TOX: variants seen among roughly 807,000 people sequenced by gnomAD.
TOX encodes the protein thymocyte selection associated high mobility group box.
A neutral mutation model predicts 53.7 loss-of-function variants in TOX; 11 were observed. The ratio of observed to expected loss-of-function variants is 0.20; its 90% CI spans 0.13 to 0.34. The LOEUF (loss-of-function observed/expected upper bound fraction) is 0.34, where lower values mean the gene tolerates loss of function less well. Among genes scored for constraint, TOX ranks in the 10% least tolerant of loss-of-function variants. TOX has a pLI of 1.00. For synonymous variants in TOX, 225 were observed against 245.3 expected, an observed-to-expected ratio of 0.92 and a Z score of 0.77; for missense variants, 570 against 664.6, an observed-to-expected ratio of 0.86 and a Z score of 1.56.
intron 1 of TOX, among the ~76,000 whole-genome samples, chr8:59,017,608 T>A (rs1241356694): frequency 6.6e-6 from 1 of 152,158 alleles, no homozygotes; most frequent in Admixed American, 6.5e-5. Context: ...AAGAAACATG[T>A]TTTTAAAACT....
At chr8:59,074,267 A>G (rs1440754106) in intron 1 of TOX, among the ~76,000 whole-genome samples, 2 of 152,228 alleles carry the variant, frequency 1.3e-5, no homozygotes, top group African/African-American at 4.8e-5. Flanking sequence ...ATTGATAGCT[A>G]TCTAGTAAAT....
In TOX at chr8:58,909,071, T is replaced by C. The variant is rs1585894419; in HGVS notation, c.411+30231A>G. 4.6e-5 allele frequency among the ~76,000 whole-genome samples: 7 copies of C among 152,340 alleles called. No homozygotes were observed. In the South Asian group the frequency reaches 1.4e-3, roughly 32 times the overall value. On this transcript the variant is annotated intron_variant, in intron 3 of 8. Transcript: ENST00000361421. ...ACAGAAACACTGTAGCTTCATGGTT[T>C]TCAACTCTAGTCACACATTAGAATT...
At chr8:58,956,777 G>A (rs1431577034) in intron 2 of TOX, among the ~76,000 whole-genome samples, 1 of 152,030 alleles carries the variant, frequency 6.6e-6, no homozygotes, top group Non-Finnish European at 1.5e-5. Context: ...CACCATGCCT[G>A]GCTAATTTTT....
chr8:59,046,184 T>C (rs75393952), intron 1 of TOX, among the ~76,000 whole-genome samples: 1 of 152,180 alleles, frequency 6.6e-6, no homozygotes, highest in African/African-American at 2.4e-5. Flanking sequence ...CCACCAAAAC[T>C]ATAATAACAT....
chr8:58,922,766 A>G lies in TOX; in HGVS notation c.411+16536T>C, dbSNP rs557679493. ...GAAGTAACAATGCTCCAAGTGGCTG[A>G]TATTTATTCACTTCTTCCTCATTAC... On this transcript the variant is annotated intron_variant, in intron 3 of 8. Transcript: ENST00000361421. Among the ~76,000 whole-genome samples the G allele has an allele frequency of 3.0e-4, 45 of 152,284 alleles. No homozygotes were observed. In the East Asian group the frequency reaches 7.5e-3, roughly 25 times the overall value.
chr8:58,814,353 G>T (rs540198156), intron 7 of TOX: 2 of 151,978 alleles, frequency 1.3e-5, no homozygotes, highest in Non-Finnish European at 2.9e-5. Context: ...AGTGATACCT[G>T]CATTTAATGT....
At chr8:58,848,545 A>G (rs181857444) in intron 4 of TOX, among the ~76,000 whole-genome samples, 2 of 152,254 alleles carry the variant, frequency 1.3e-5, no homozygotes, top group East Asian at 3.9e-4. Context: ...ATTCTTACCC[A>G]CAATTTCCTT....
chr8:58,953,395 T>C (rs758848707), intron 2 of TOX, among the ~76,000 whole-genome samples: 25 of 152,178 alleles, frequency 1.6e-4, no homozygotes, highest in Admixed American at 2.0e-4. Flanking sequence ...GAAAACAACA[T>C]AAACAATAGT....
At chr8:58,961,149 G>T (rs563890229) in intron 1 of TOX, among the ~76,000 whole-genome samples, 2 of 152,236 alleles carry the variant, frequency 1.3e-5, no homozygotes, top group East Asian at 3.9e-4. Flanking sequence ...CACCACCTAT[G>T]AACTGCTAGC....
At chr8:58,887,299 T>A (rs1811485117) in intron 3 of TOX, among the ~76,000 whole-genome samples, 1 of 151,940 alleles carries the variant, frequency 6.6e-6, no homozygotes, top group Non-Finnish European at 1.5e-5. Flanking sequence ...ATTTTTAGTA[T>A]CAATATTATA....
intron 3 of TOX, among the ~76,000 whole-genome samples, chr8:58,894,788 C>T (rs974954487): frequency 6.6e-5 from 10 of 152,050 alleles, no homozygotes; most frequent in Non-Finnish European, 1.3e-4. Flanking sequence ...CCCAAATACT[C>T]GGGAGGCTGA....
At chr8:59,111,832 C>CA (rs1225647421) in intron 1 of TOX, among the ~76,000 whole-genome samples, 1 of 152,162 alleles carries the variant, frequency 6.6e-6, no homozygotes, top group African/African-American at 2.4e-5. Context: ...CCTTTCCAGA[C>CA]AGTTTCATAA....
chr8:58,948,014 C>T (rs1257977187), intron 2 of TOX, among the ~76,000 whole-genome samples: 1 of 152,228 alleles, frequency 6.6e-6, no homozygotes, highest in African/African-American at 2.4e-5. Flanking sequence ...ATGCAGGCCT[C>T]TTCTGGAACT....
At chr8:58,985,351 T>C (rs960755057) in intron 1 of TOX, among the ~76,000 whole-genome samples, 1 of 152,066 alleles carries the variant, frequency 6.6e-6, no homozygotes, top group African/African-American at 2.4e-5. Context: ...TGGATGAACC[T>C]TGAGAACACT....
At chr8:59,037,980 G>A (rs1803501384) in intron 1 of TOX, among the ~76,000 whole-genome samples, 1 of 151,964 alleles carries the variant, frequency 6.6e-6, no homozygotes, top group Admixed American at 6.6e-5. Context: ...TAAAATCAGA[G>A]GGCTCCAAGA....
intron 3 of TOX, among the ~76,000 whole-genome samples, chr8:58,909,151 G>T (rs1184118956): frequency 6.6e-6 from 1 of 152,142 alleles, no homozygotes; most frequent in East Asian, 1.9e-4. Context: ...GAAACAGTTA[G>T]ACCCAATATC....
At chr8:58,930,348 T>A (rs931327100) in intron 3 of TOX, among the ~76,000 whole-genome samples, 3 of 152,214 alleles carry the variant, frequency 2.0e-5, no homozygotes, top group African/African-American at 7.2e-5. Flanking sequence ...TATAGAGCAT[T>A]GCTATCAGCA....
intron 1 of TOX, among the ~76,000 whole-genome samples, chr8:59,098,670 G>A (rs1464812356): frequency 1.3e-5 from 2 of 152,262 alleles, no homozygotes; most frequent in South Asian, 2.1e-4. Context: ...ACAGGAAACT[G>A]TTTTAATCAA....
chr8:59,088,619 C>T (rs1387143743), intron 1 of TOX, among the ~76,000 whole-genome samples: 2 of 152,144 alleles, frequency 1.3e-5, no homozygotes, highest in Admixed American at 6.5e-5. Context: ...ATTAGTCAGC[C>T]GTTCCCCTTA....
Sources: gnomAD v4.1 joint callset for allele counts (sites outside exome capture counted in the v4.1 genomes callset) on GRCh38, gnomAD v4.1.1 for gene constraint, MANE v1.5 for transcripts, NCBI Gene and HGNC (gene_info 2026-07-23, HGNC 2026-07-21) for gene names.